RAD54L2: variants seen among roughly 807,000 people sequenced by gnomAD.
RAD54L2 encodes the protein RAD54 like 2.
A neutral mutation model predicts 138.4 loss-of-function variants in RAD54L2; 27 were observed. That is an observed-to-expected ratio of 0.20 (90% CI 0.14 to 0.27). RAD54L2 has a LOEUF of 0.27. RAD54L2 is among the 10% of genes least tolerant of loss of function. The probability of loss-of-function intolerance (pLI) is 1.00; values close to 1 mark genes in which losing one functional copy is unlikely to be tolerated. For missense variants in RAD54L2, 1,396 were observed against 1,890.2 expected (o/e 0.74, Z 4.85); for synonymous variants, 644 against 723.2 (o/e 0.89, Z 1.76).
At chr3:51,656,772 CAG>C (rs1021280861) in intron 20 of RAD54L2, among the ~76,000 whole-genome samples, 1 of 150,936 alleles carries the variant, frequency 6.6e-6, no homozygotes, top group South Asian at 2.1e-4. Context: ...TTTTTGGAGA[CAG>C]AGTCTTGCTT....
chr3:51,587,283 A>G (rs1170920558), intron 2 of RAD54L2, among the ~76,000 whole-genome samples: 1 of 151,856 alleles, frequency 6.6e-6, no homozygotes, highest in Non-Finnish European at 1.5e-5. Context: ...TGTATTTTTT[A>G]GTAGAGACGG....
At position 51,607,126 on chromosome 3, in the gene RAD54L2, T is replaced by A. The variant is rs538381779; in HGVS notation, c.139+16567T>A. Among the ~76,000 whole-genome samples, 60 of 151,744 alleles carry A rather than the reference T, an allele frequency of 4.0e-4. 1 individual carries two copies. In the South Asian group the frequency reaches 0.011, roughly 28 times the overall value. ...ATTTTATTTTATTTTTTTTAGTATT[T>A]ATTGATCATTCTTGGGTGTTTCTCG... On this transcript the variant is annotated intron_variant, in intron 3 of 22. Coordinates refer to ENST00000684192, the MANE Select transcript of RAD54L2 (RefSeq NM_015106.4).
At chr3:51,650,043 C>CA (rs1701388840) in intron 19 of RAD54L2, among the ~76,000 whole-genome samples, 1 of 152,114 alleles carries the variant, frequency 6.6e-6, no homozygotes. Context: ...GGAGACCCAT[C>CA]TCACGTGCAG....
chr3:51,546,424 T>A (rs1553672282), intron 2 of RAD54L2, among the ~76,000 whole-genome samples: 1 of 151,208 alleles, frequency 6.6e-6, no homozygotes, highest in East Asian at 2.0e-4. Flanking sequence ...GCGGATCACC[T>A]GATGTCGGAA....
chr3:51,637,248 C>A lies in RAD54L2; in HGVS notation c.1427C>A (p.Ser476Ter). Residue 476 changes from serine to a stop codon, truncating the protein, a stop_gained, in exon 11 of 23, where the codon TCA (serine) becomes TAA (stop). Transcript: ENST00000684192. LOFTEE classifies it high-confidence loss of function. The surrounding 1 kb of genome is among the most constrained non-coding windows in gnomAD (Gnocchi z 5.9). ...ATCAAAAACTGCCAGGCCAGCACCT[C>A]ACAGGCTCTGAAGAATATCCGCTCT... ...HRIKNCQAST[S>*]QALKNIRSRR... 6.2e-7 allele frequency: 1 copy of A among 1,601,460 alleles called. No individual in the cohort carries two copies. The highest frequency in any genetic ancestry group is 2.3e-5 in the East Asian group (1 of 44,226).
At chr3:51,553,410 T>C (rs1195666779) in intron 2 of RAD54L2, among the ~76,000 whole-genome samples, 1 of 152,198 alleles carries the variant, frequency 6.6e-6, no homozygotes, top group African/African-American at 2.4e-5. Flanking sequence ...TCATAGCAGC[T>C]CACATACTGT....
chr3:51,630,277 A>G lies in RAD54L2; in HGVS notation c.487A>G (p.Ile163Val). 6.2e-7 allele frequency: 1 copy of G among 1,613,900 alleles called. No individual in the cohort carries two copies. ...TVPLEFLPEEIALRASDGPQL... is the reference protein window; with the variant it reads ...TVPLEFLPEEVALRASDGPQL... Reference sequence around the variant, plus strand: ...TTCCATTTTGCTTTTCCTAGAGGAAATTGCTTTAAGGGCAAGTGACGGTCC... The same window carrying G: ...TTCCATTTTGCTTTTCCTAGAGGAAGTTGCTTTAAGGGCAAGTGACGGTCC... The change falls in exon 6 of 23, where the codon ATT (isoleucine) becomes GTT (valine). Residue 163 changes from isoleucine to valine, a missense_variant. By Grantham distance (29) the Ile-to-Val change is conservative (BLOSUM62 3). This residue lies in a region of RAD54L2 where 256 missense variants were observed against 344.6 expected (regional missense o/e 0.74). Coordinates refer to ENST00000684192, the MANE Select transcript of RAD54L2 (RefSeq NM_015106.4).
At chr3:51,630,978 G>A in intron 7 of RAD54L2, 47 bp downstream of exon 7, 1 of 1,535,912 alleles carries the variant, frequency 6.5e-7, no homozygotes, top group Non-Finnish European at 9.0e-7. Flanking sequence ...TTGTTTCCTT[G>A]TTGTGAACAT....
At chr3:51,658,175 G>T (rs971524169) in intron 21 of RAD54L2, among the ~76,000 whole-genome samples, 1 of 151,444 alleles carries the variant, frequency 6.6e-6, no homozygotes, top group African/African-American at 2.4e-5. Context: ...CTCATGATCC[G>T]CCCACCTGGG....
intron 2 of RAD54L2, among the ~76,000 whole-genome samples, chr3:51,572,596 C>T (rs1164437012): frequency 1.3e-5 from 2 of 150,292 alleles, no homozygotes; most frequent in African/African-American, 2.4e-5. Context: ...CCAGCCTGGG[C>T]GACAGAACAA....
intron 2 of RAD54L2, among the ~76,000 whole-genome samples, chr3:51,588,459 C>T (rs1325970971): frequency 6.9e-6 from 1 of 145,270 alleles, no homozygotes; most frequent in Non-Finnish European, 1.5e-5. Flanking sequence ...CACCTGAACC[C>T]AGGAGGTGGA....
chr3:51,635,510 C>T (rs1019133952), intron 9 of RAD54L2, 83 bp from the exon 10 acceptor site: 2 of 1,386,378 alleles, frequency 1.4e-6, no homozygotes, highest in Non-Finnish European at 1.9e-6. Context: ...TGATTGTGAG[C>T]AATTCTTCCT....
intron 2 of RAD54L2, among the ~76,000 whole-genome samples, chr3:51,566,466 G>GGTT (rs1699219645): frequency 3.2e-5 from 1 of 31,516 alleles, no homozygotes; most frequent in African/African-American, 1.6e-4. Flanking sequence ...CCTTTTCTGC[G>GGTT]TTTTTTTTTT....
intron 3 of RAD54L2, among the ~76,000 whole-genome samples, chr3:51,602,191 A>G (rs956902435): frequency 2.6e-5 from 4 of 152,098 alleles, no homozygotes; most frequent in African/African-American, 4.8e-5. Flanking sequence ...GTTTTCAATT[A>G]CAAATAAGAC....
At chr3:51,626,884 T>C (rs1185313503) in intron 3 of RAD54L2, among the ~76,000 whole-genome samples, 1 of 152,188 alleles carries the variant, frequency 6.6e-6, no homozygotes, top group East Asian at 1.9e-4. Flanking sequence ...TCTTCAACCT[T>C]AAAGTTCTTT....
At chr3:51,632,166 C>T (rs1160472666) in intron 7 of RAD54L2, among the ~76,000 whole-genome samples, 5 of 152,220 alleles carry the variant, frequency 3.3e-5, no homozygotes, top group Admixed American at 1.3e-4. Flanking sequence ...TTTCATTTTT[C>T]GTGGCTGAAT....
At chr3:51,541,329 T>C (rs1553671284) in intron 1 of RAD54L2, 2 of 152,220 alleles carry the variant, frequency 1.3e-5, no homozygotes, top group Non-Finnish European at 1.5e-5. Flanking sequence ...AACATCTCCA[T>C]GGAAAAAGTT....
chr3:51,643,018 T>C (rs1701177967), intron 15 of RAD54L2, among the ~76,000 whole-genome samples: 1 of 151,916 alleles, frequency 6.6e-6, no homozygotes, highest in Non-Finnish European at 1.5e-5. Context: ...TATTTATGCT[T>C]CTTAACTGAA....
rs200912618 is a variant in RAD54L2, at chr3:51,662,590, C to T, written c.3574C>T (p.Arg1192Cys). 1.4e-5 allele frequency: 22 copies of T among 1,613,430 alleles called. No homozygotes were observed. The highest frequency in any genetic ancestry group is 2.2e-5 in the East Asian group (1 of 44,878). ...YADVAAARES[R>C]QSSPSTNAAL... The stretch of plus-strand genomic sequence containing the variant: ...AGATGTGGCTGCTGCCCGGGAATCC[C>T]GTCAGAGCTCCCCAAGCACCAATGC... Residue 1192 changes from arginine to cysteine, a missense_variant, in exon 23 of 23, where the codon CGT (arginine) becomes TGT (cysteine). By Grantham distance (180) the Arg-to-Cys change is radical. Transcript: ENST00000684192. This position sits in a 1 kb window ranked among gnomAD's most constrained non-coding sequence, Gnocchi z 4.6.
Sources: gnomAD v4.1 joint callset for allele counts (sites outside exome capture counted in the v4.1 genomes callset) on GRCh38, gnomAD v4.1.1 for gene constraint, gnomAD v4.1.1 regional missense constraint, Gnocchi (gnomAD v3.1) non-coding constraint, MANE v1.5 for transcripts, NCBI Gene and HGNC (gene_info 2026-07-23, HGNC 2026-07-21) for gene names.